Variants in ARPP21 observed in about 807,000 individuals in gnomAD.
ARPP21 encodes the protein cAMP-regulated phosphoprotein 21.
Under a neutral mutation model 113.2 loss-of-function variants are expected in ARPP21, and 69 were observed. The ratio of observed to expected loss-of-function variants is 0.61; its 90% CI spans 0.50 to 0.74. The LOEUF is 0.74. Ranked by LOEUF, ARPP21 falls within the 30% of genes least tolerant of loss-of-function variation. The probability of loss-of-function intolerance (pLI) is 0.00; values close to 1 mark genes in which losing one functional copy is unlikely to be tolerated. For synonymous variants in ARPP21, 368 were observed against 375.5 expected, an observed-to-expected ratio of 0.98 and a Z score of 0.23; for missense variants, 1,070 against 1,037.4, an observed-to-expected ratio of 1.03 and a Z score of -0.43.
At chr3:35,699,090 GT>G (rs1234642492) in intron 9 of ARPP21, among the ~76,000 whole-genome samples, 19 of 151,716 alleles carry the variant, frequency 1.3e-4, no homozygotes, top group Non-Finnish European at 1.5e-5. Context: ...AAGACTGTGT[GT>G]GTGTGTATGT....
chr3:35,722,366 C>A (rs996369107), intron 14 of ARPP21, among the ~76,000 whole-genome samples: 3 of 152,082 alleles, frequency 2.0e-5, no homozygotes, highest in African/African-American at 7.2e-5. Flanking sequence ...GGTTTTTAAC[C>A]ATTCTGTGCC....
At chr3:35,778,613 C>G (rs111932124) in intron 19 of ARPP21, among the ~76,000 whole-genome samples, 3 of 152,164 alleles carry the variant, frequency 2.0e-5, no homozygotes, top group Non-Finnish European at 4.4e-5. Context: ...CTTACCTACT[C>G]CCTTTGTTAA....
intron 15 of ARPP21, among the ~76,000 whole-genome samples, chr3:35,734,725 G>A (rs1395705163): frequency 1.3e-5 from 2 of 152,220 alleles, no homozygotes; most frequent in African/African-American, 4.8e-5. Flanking sequence ...TGCTCTCTAC[G>A]AGTGAGCATG....
chr3:35,691,028 T>A, intron 9 of ARPP21, 23 bp downstream of exon 9: 1 of 1,588,664 alleles, frequency 6.3e-7, no homozygotes. Context: ...ACTGTACTTA[T>A]TTAGCATTTT....
chr3:35,650,824 G>T (rs1160776352), intron 1 of ARPP21, among the ~76,000 whole-genome samples: 1 of 152,048 alleles, frequency 6.6e-6, no homozygotes, highest in Non-Finnish European at 1.5e-5. Context: ...AGTTACTAGG[G>T]CTGCAAGTAA....
intron 1 of ARPP21, among the ~76,000 whole-genome samples, chr3:35,673,844 A>C (rs569504206): frequency 7.9e-5 from 12 of 151,972 alleles, no homozygotes; most frequent in Non-Finnish European, 2.9e-5. Flanking sequence ...TCTTGGAGGA[A>C]TGAAGAAGAA....
At chr3:35,755,936 G>C (rs913823021) in intron 19 of ARPP21, among the ~76,000 whole-genome samples, 1 of 152,134 alleles carries the variant, frequency 6.6e-6, no homozygotes, top group East Asian at 1.9e-4. Context: ...GAACTTATAA[G>C]ACACTATCTC....
chr3:35,745,976 G>A (rs976993791), intron 19 of ARPP21, among the ~76,000 whole-genome samples: 2 of 152,170 alleles, frequency 1.3e-5, no homozygotes, highest in African/African-American at 4.8e-5. Flanking sequence ...GCTAAATATA[G>A]AAGCAAGGCA....
chr3:35,775,366 T>C (rs2096329179), intron 19 of ARPP21, among the ~76,000 whole-genome samples: 1 of 152,188 alleles, frequency 6.6e-6, no homozygotes, highest in Admixed American at 6.6e-5. Context: ...AAACTTTCAC[T>C]GTGTTTATAA....
At chr3:35,782,926 G>A (rs1488838499) in intron 19 of ARPP21, among the ~76,000 whole-genome samples, 2 of 152,042 alleles carry the variant, frequency 1.3e-5, no homozygotes, top group African/African-American at 4.8e-5. Context: ...TCTGGCTGAT[G>A]TACCCATCAC....
intron 19 of ARPP21, among the ~76,000 whole-genome samples, chr3:35,753,191 G>C (rs1204875963): frequency 6.6e-6 from 1 of 151,456 alleles, no homozygotes; most frequent in Non-Finnish European, 1.5e-5. Flanking sequence ...ATATTTAAAA[G>C]GCTAAAACAG....
intron 9 of ARPP21, among the ~76,000 whole-genome samples, chr3:35,696,905 CTG>C (rs1244717495): frequency 6.6e-6 from 1 of 151,504 alleles, no homozygotes; most frequent in Non-Finnish European, 1.5e-5. Context: ...TACTCATTTT[CTG>C]TGTTTGACAC....
chr3:35,642,953 A>G (rs533739102), intron 1 of ARPP21, among the ~76,000 whole-genome samples: 3 of 152,260 alleles, frequency 2.0e-5, no homozygotes, highest in African/African-American at 7.2e-5. Flanking sequence ...TTTTAAAAAT[A>G]TAAGTAGCAG....
intron 9 of ARPP21, among the ~76,000 whole-genome samples, chr3:35,697,196 A>G (rs1459780143): frequency 6.6e-6 from 1 of 151,566 alleles, no homozygotes; most frequent in Non-Finnish European, 1.5e-5. Flanking sequence ...TTTTACATCC[A>G]CCCACTGTCA....
intron 9 of ARPP21, among the ~76,000 whole-genome samples, chr3:35,698,939 A>C (rs181685847): frequency 7.2e-5 from 11 of 151,818 alleles, no homozygotes; most frequent in Admixed American, 6.6e-4. Context: ...GTGACACAAA[A>C]CTGTTTCATG....
At chr3:35,760,785 T>A (rs1432182468) in intron 19 of ARPP21, among the ~76,000 whole-genome samples, 2 of 152,030 alleles carry the variant, frequency 1.3e-5, no homozygotes, top group Admixed American at 6.6e-5. Context: ...ATTTTCATGG[T>A]TCCTAAATCA....
At chr3:35,757,661 AG>A (rs1401939389) in intron 19 of ARPP21, among the ~76,000 whole-genome samples, 1 of 152,124 alleles carries the variant, frequency 6.6e-6, no homozygotes, top group African/African-American at 2.4e-5. Flanking sequence ...TGCATAAAGA[AG>A]GCTTTTTGAA....
chr3:35,769,511 A>G (rs1204223359), intron 19 of ARPP21, among the ~76,000 whole-genome samples: 2 of 152,182 alleles, frequency 1.3e-5, no homozygotes, highest in Non-Finnish European at 2.9e-5. Flanking sequence ...TCCTTGACAC[A>G]GCCCCGCTTT....
chr3:35,689,369 T>C lies in ARPP21; in HGVS notation c.469T>C (p.Leu157=). The C allele has an allele frequency of 6.5e-7, 1 of 1,539,868 alleles. No individual in the cohort carries two copies. Among genetic ancestry groups the C allele is most frequent in the Non-Finnish European group, 9.0e-7 (1 of 1,113,488 alleles). The change falls in exon 7 of 21, where the codon TTA becomes CTA. Residue 157 remains leucine, a synonymous_variant. Coordinates refer to ENST00000684406, the MANE Select transcript of ARPP21 (RefSeq NM_001385562.1). ...IDLHEFLINT[L]KNNSRDRMIL... is the part of the protein sequence containing the mutation. ...CTTACACGAGTTTCTGATTAACACA[T>C]TAAAGAATAATTCCAGGTAAATTAT...
Sources: allele counts gnomAD v4.1 joint callset (sites outside exome capture counted in the v4.1 genomes callset), GRCh38; gene constraint gnomAD v4.1.1; transcripts MANE v1.5; gene names NCBI Gene and HGNC (gene_info 2026-07-23, HGNC 2026-07-21).